The following FAM3C variants were observed in gnomAD, a reference collection of about 807,000 sequenced individuals.
The protein encoded by FAM3C is protein FAM3C.
In FAM3C, 15 loss-of-function variants were observed where a neutral mutation model predicts 32.5. That is an observed-to-expected ratio of 0.46 (90% CI 0.31 to 0.71). The LOEUF is 0.71. Among genes scored for constraint, FAM3C ranks in the 30% least tolerant of loss-of-function variants. FAM3C has a pLI of 0.05. For missense variants in FAM3C, 175 were observed against 274.4 expected (o/e 0.64, Z 2.56); for synonymous variants, 75 against 86.1 (o/e 0.87, Z 0.72).
Position 121,360,033 on chromosome 7 carries a change from G to GTTTTAAC in FAM3C, c.467+9_467+10insGTTAAAA. 1 of 1,424,492 alleles carries GTTTTAAC rather than the reference G, an allele frequency of 7.0e-7. No individual in the cohort carries two copies. Among genetic ancestry groups the GTTTTAAC allele is most frequent in the Non-Finnish European group, 9.9e-7 (1 of 1,010,372 alleles). 88.2% of individuals were successfully genotyped at this position (1,424,492 alleles called of 1,614,324 possible). ...TTATAGTTCCAAAAAGTTCTGTAAAGTTTACATACTTGGTTGCTCCATCAT... is the reference window on the plus strand; with the variant it reads ...TTATAGTTCCAAAAAGTTCTGTAAAGTTTTAACTTTACATACTTGGTTGCTCCATCAT... On this transcript the variant is annotated intron_variant, in intron 8 of 9. Transcript: ENST00000359943.
At chr7:121,386,674 T>TAC (rs749771631) in intron 1 of FAM3C, among the ~76,000 whole-genome samples, 2,998 of 141,104 alleles carry the variant, frequency 0.021, 35 homozygotes, top group Non-Finnish European at 0.03. Flanking sequence ...TATCTATACA[T>TAC]ACACACACAC....
Position 121,350,343 on chromosome 7 carries a change from A to AC in FAM3C, c.*117dup. ...TAATCCTGATATCAAAAGAGACAAT[A>AC]CTCATGCACACACCAAGATGGCTGC... On this transcript the variant is annotated 3_prime_UTR_variant, in exon 10 of 10. Coordinates refer to ENST00000359943, the MANE Select transcript of FAM3C (RefSeq NM_014888.3). 5 of 1,024,172 alleles carry AC rather than the reference A, an allele frequency of 4.9e-6. No homozygotes were observed. Among genetic ancestry groups the AC allele is most frequent in the Non-Finnish European group, 7.4e-6 (5 of 677,976 alleles). 63.4% of individuals were successfully genotyped at this position (1,024,172 alleles called of 1,614,324 possible).
At chr7:121,366,528 GGTGGGGAA>G (rs1794027158) in intron 5 of FAM3C, among the ~76,000 whole-genome samples, 1 of 152,122 alleles carries the variant, frequency 6.6e-6, no homozygotes. Context: ...AGGGTTTGGG[GGTGGGGAA>G]GTGGGGCAGG....
intron 5 of FAM3C, 56 bp from the exon 6 acceptor site, chr7:121,364,244 C>A: frequency 8.6e-7 from 1 of 1,162,472 alleles, no homozygotes; most frequent in Non-Finnish European, 1.3e-6. Context: ...AATAACATAT[C>A]AGAAAAATAA....
chr7:121,374,931 C>A (rs1794212234), intron 3 of FAM3C, among the ~76,000 whole-genome samples: 1 of 152,164 alleles, frequency 6.6e-6, no homozygotes, highest in Non-Finnish European at 1.5e-5. Flanking sequence ...TGGAAATACT[C>A]TTCCTTTCCA....
intron 3 of FAM3C, among the ~76,000 whole-genome samples, 172 bp from the exon 4 acceptor site, chr7:121,372,311 T>C (rs1363801302): frequency 2.0e-5 from 3 of 152,348 alleles, no homozygotes; most frequent in East Asian, 3.8e-4. Flanking sequence ...TGTACATTCA[T>C]TATAAACTAT....
At chr7:121,376,240 CA>C (rs1794236242) in intron 3 of FAM3C, among the ~76,000 whole-genome samples, 1 of 152,172 alleles carries the variant, frequency 6.6e-6, no homozygotes, top group African/African-American at 2.4e-5. Flanking sequence ...TGCTGAAAAA[CA>C]AACAAGTTTA....
chr7:121,352,575 T>A (rs1793726194), intron 8 of FAM3C, among the ~76,000 whole-genome samples: 1 of 152,242 alleles, frequency 6.6e-6, no homozygotes, highest in African/African-American at 2.4e-5. Context: ...GTGAAATGAC[T>A]GTGCAGAAGA....
At chr7:121,383,430 G>C (rs1794402017) in intron 1 of FAM3C, among the ~76,000 whole-genome samples, 1 of 152,130 alleles carries the variant, frequency 6.6e-6, no homozygotes, top group African/African-American at 2.4e-5. Flanking sequence ...ATTGAGGTCA[G>C]CTGGCTCACT....
intron 8 of FAM3C, 140 bp from the exon 9 acceptor site, chr7:121,351,409 G>C (rs1235692188): frequency 2.8e-6 from 2 of 717,608 alleles, no homozygotes; most frequent in Non-Finnish European, 4.1e-6. Flanking sequence ...TTTTTTTTCA[G>C]AGTTACATTT....
chr7:121,371,425 T>C lies in FAM3C; in HGVS notation c.149-2A>G. ...ACTTATATCTGGGAGGCTTTGTAGC[T>C]TTGGGGGAGAAAACATGATGTCTTT... On this transcript the variant is annotated splice_acceptor_variant, in intron 4 of 9. Transcript: ENST00000359943. LOFTEE classifies it high-confidence loss of function. 1 of 1,613,380 alleles carries C rather than the reference T, an allele frequency of 6.2e-7. No homozygotes were observed. The highest frequency in any genetic ancestry group is 1.1e-5 in the South Asian group (1 of 91,036).
Position 121,390,863 on chromosome 7 carries a change from G to T in FAM3C, c.-42+5299C>A, listed in dbSNP as rs1424796890. On this transcript the variant is annotated intron_variant, in intron 1 of 9. Transcript: ENST00000359943. The stretch of plus-strand genomic sequence containing the variant: ...AAAGGCTGTGTGGGGCGGGGGGGGG[G>T]GGGGGGGGGAAGGTAAGGCAGATCT... Among the ~76,000 whole-genome samples the T allele has an allele frequency of 2.5e-4, 8 of 31,776 alleles. 1 individual carries two copies. The highest frequency in any genetic ancestry group is 5.6e-4 in the Non-Finnish European group (4 of 7,120). The allele number at this position is 31,776 out of a possible 152,430, so 20.8% of individuals were successfully genotyped here.
At chr7:121,385,784 T>C (rs1390129093) in intron 1 of FAM3C, among the ~76,000 whole-genome samples, 1 of 152,202 alleles carries the variant, frequency 6.6e-6, no homozygotes, top group Non-Finnish European at 1.5e-5. Context: ...GAGGGGGATT[T>C]CTTGCCAGTT....
intron 8 of FAM3C, among the ~76,000 whole-genome samples, chr7:121,354,680 G>A (rs920064263): frequency 8.5e-5 from 13 of 152,108 alleles, no homozygotes; most frequent in African/African-American, 1.9e-4. Context: ...GAAGAAAATC[G>A]CCATATTACC....
intron 1 of FAM3C, among the ~76,000 whole-genome samples, chr7:121,392,068 T>G (rs749566739): frequency 6.6e-6 from 1 of 152,212 alleles, no homozygotes; most frequent in Non-Finnish European, 1.5e-5. Flanking sequence ...GCTTTACATC[T>G]GTGACCCTCC....
At chr7:121,356,343 A>G (rs1247334995) in intron 8 of FAM3C, among the ~76,000 whole-genome samples, 1 of 152,204 alleles carries the variant, frequency 6.6e-6, no homozygotes, top group Non-Finnish European at 1.5e-5. Flanking sequence ...TAGAAGCTAT[A>G]CATGACAAAA....
chr7:121,384,966 G>A (rs374946578), intron 1 of FAM3C, among the ~76,000 whole-genome samples: 1 of 152,066 alleles, frequency 6.6e-6, no homozygotes, highest in East Asian at 1.9e-4. Flanking sequence ...GCATGTAAAA[G>A]CAAAGAAAAT....
intron 3 of FAM3C, among the ~76,000 whole-genome samples, chr7:121,375,640 G>T (rs937087421): frequency 6.6e-6 from 1 of 152,114 alleles, no homozygotes; most frequent in Non-Finnish European, 1.5e-5. Context: ...GGGGACAAAG[G>T]GTGAGGACAG....
chr7:121,362,740 A>G lies in FAM3C; in HGVS notation c.382+157T>C, dbSNP rs1383851004. The G allele has an allele frequency of 1.7e-5, 10 of 593,056 alleles. 1 individual carries two copies. Among genetic ancestry groups the G allele is most frequent in the African/African-American group, 4.0e-5 (2 of 50,136 alleles). The allele number at this position is 593,056 out of a possible 1,614,324, so 36.7% of individuals were successfully genotyped here. On this transcript the variant is annotated intron_variant, in intron 7 of 9. Transcript: ENST00000359943. The stretch of plus-strand genomic sequence containing the variant: ...AGAAAGTATATAAAACATGAATGAT[A>G]ACTTAAATACAGCTGGACATTTAGT...
Sources: gnomAD v4.1 joint callset for allele counts (sites outside exome capture counted in the v4.1 genomes callset) on GRCh38, gnomAD v4.1.1 for gene constraint, MANE v1.5 for transcripts, NCBI Gene and HGNC (gene_info 2026-07-23, HGNC 2026-07-21) for gene names.